MAPKBP1: variants seen among roughly 807,000 people sequenced by gnomAD.
MAPKBP1 encodes the protein mitogen-activated protein kinase-binding protein 1.
MAPKBP1 carries 71 observed loss-of-function variants against 170.5 expected under a neutral mutation model. The observed-to-expected ratio is 0.42, with a 90% CI of 0.34 to 0.51. The LOEUF (loss-of-function observed/expected upper bound fraction) is 0.51. Among genes scored for constraint, MAPKBP1 ranks in the 20% least tolerant of loss-of-function variants. MAPKBP1 has a pLI of 0.06. For missense variants in MAPKBP1, 1,598 were observed against 1,933.0 expected (o/e 0.83, Z 3.25); for synonymous variants, 719 against 757.9 (o/e 0.95, Z 0.84).
At position 41,822,442 on chromosome 15, in the gene MAPKBP1, A is replaced by C; in HGVS notation, c.3229+20A>C. 1 of 1,611,174 alleles carries C rather than the reference A, an allele frequency of 6.2e-7. No homozygotes were observed. Among genetic ancestry groups the C allele is most frequent in the South Asian group, 1.1e-5 (1 of 90,906 alleles). On this transcript the variant is annotated intron_variant, in intron 26 of 30. Transcript: ENST00000457542. The stretch of plus-strand genomic sequence containing the variant: ...CTCCAGGTGTGGTCAGAGGGCCAGC[A>C]TTTAGTGCCTGCAATTTGCCCTTCT...
chr15:41,785,436 A>G (rs916391610), intron 2 of MAPKBP1, among the ~76,000 whole-genome samples: 2 of 152,210 alleles, frequency 1.3e-5, no homozygotes, highest in African/African-American at 4.8e-5. Flanking sequence ...ATGTCAAACC[A>G]GTGAACTCCA....
In MAPKBP1 at chr15:41,823,038, C is replaced by G; in HGVS notation, c.3414C>G (p.Pro1138=). 6.2e-7 allele frequency: 1 copy of G among 1,613,974 alleles called. No individual in the cohort carries two copies. The highest frequency in any genetic ancestry group is 8.5e-7 in the Non-Finnish European group (1 of 1,179,972). Reference sequence around the variant, plus strand: ...AGCCGAGAGGCAATGGTGCCAATCCCCCTGGAGCACCCCCGGAGGTGGAAC... The same window carrying G: ...AGCCGAGAGGCAATGGTGCCAATCCGCCTGGAGCACCCCCGGAGGTGGAAC... ...GEQPRGNGAN[P]PGAPPEVEPS... Residue 1138 remains proline (P), a synonymous_variant, in exon 28 of 31, where the codon CCC becomes CCG. Coordinates refer to ENST00000457542, the MANE Select transcript of MAPKBP1 (RefSeq NM_014994.3).
At chr15:41,774,635 G>T in intron 1 of MAPKBP1, 25 bp downstream of exon 1, 1 of 398,776 alleles carries the variant, frequency 2.5e-6, no homozygotes, top group Non-Finnish European at 4.4e-6. Flanking sequence ...GAACGGGGGC[G>T]CTGACGAGTA....
Position 41,824,072 on chromosome 15 carries a change from C to T in MAPKBP1, c.4213+11C>T, listed in dbSNP as rs1026067659. On this transcript the variant is annotated intron_variant, in intron 29 of 30. Transcript: ENST00000457542. ...TGAGCCAGGACTCAGGTGTGCACAG[C>T]TCCCCAGCTCTCATCTCCTGCCCCA... The T allele has an allele frequency of 6.3e-7, 1 of 1,582,100 alleles. No homozygotes were observed. Among genetic ancestry groups the T allele is most frequent in the Admixed American group, 1.7e-5 (1 of 58,664 alleles).
intron 3 of MAPKBP1, among the ~76,000 whole-genome samples, chr15:41,808,287 A>G (rs538781831): frequency 1.5e-3 from 223 of 149,812 alleles, no homozygotes; most frequent in Non-Finnish European, 2.9e-3. Flanking sequence ...TTGTATTTTT[A>G]GTAGAGATGG....
chr15:41,809,001 G>A (rs1238130107), intron 3 of MAPKBP1, among the ~76,000 whole-genome samples: 1 of 151,624 alleles, frequency 6.6e-6, no homozygotes, highest in East Asian at 1.9e-4. Flanking sequence ...AGGAGGTCGA[G>A]GCTGCAGGGA....
chr15:41,774,940 T>A, intron 1 of MAPKBP1: 1 of 483,076 alleles, frequency 2.1e-6, no homozygotes, highest in Non-Finnish European at 3.6e-6. Flanking sequence ...CCCATCCATC[T>A]CGCCAGTTAA....
At chr15:41,784,973 G>C (rs540651467) in intron 2 of MAPKBP1, among the ~76,000 whole-genome samples, 3 of 151,610 alleles carry the variant, frequency 2.0e-5, no homozygotes, top group African/African-American at 7.3e-5. Context: ...GAGGCATGAC[G>C]TGGGAGAATT....
At chr15:41,807,903 G>T (rs544541586) in intron 3 of MAPKBP1, among the ~76,000 whole-genome samples, 1 of 151,856 alleles carries the variant, frequency 6.6e-6, no homozygotes, top group Non-Finnish European at 1.5e-5. Flanking sequence ...GCCAGGCTTG[G>T]TGATGGGTGC....
rs765637153 is a variant in MAPKBP1, at chr15:41,819,549, G to GC, written c.2426-46_2426-45insC. On this transcript the variant is annotated intron_variant, in intron 21 of 30. Transcript: ENST00000457542. Reference sequence around the variant, plus strand: ...GCCAGGGCTCCAGGGTTGGGTGGCGGGGGGGGGGCAGGAGACACTTCCTCT... The same window carrying GC: ...GCCAGGGCTCCAGGGTTGGGTGGCGGCGGGGGGGGCAGGAGACACTTCCTCT... 52 of 1,448,750 alleles carry GC rather than the reference G, an allele frequency of 3.6e-5. No homozygotes were observed. The Admixed American group carries it at 7.6e-4, about 21-fold the overall frequency. 89.7% of individuals were successfully genotyped at this position (1,448,750 alleles called of 1,614,324 possible).
In MAPKBP1 at chr15:41,816,445, A is replaced by C. The variant is rs76501457; in HGVS notation, c.1494-114A>C. The C allele has an allele frequency of 2.5e-3, 1,688 of 674,710 alleles. 17 individuals carry two copies. In the African/African-American group the frequency reaches 0.028, roughly 11 times the overall value. The allele number at this position is 674,710 out of a possible 1,614,324, so 41.8% of individuals were successfully genotyped here. A position where few individuals can be genotyped will look rare whatever the true frequency, so the allele number is the denominator to read the frequency against. ...TCTGTTCTTTCAGCAACTTTTCTCT[A>C]AGCCTAAAAGTTCAAAAAAAGGAAA... On this transcript the variant is annotated intron_variant, in intron 12 of 30. Transcript: ENST00000457542.
In MAPKBP1 at chr15:41,817,787, G is replaced by A; in HGVS notation, c.1904+52G>A. 6.3e-7 allele frequency: 1 copy of A among 1,597,276 alleles called. No individual in the cohort carries two copies. The highest frequency in any genetic ancestry group is 8.5e-7 in the Non-Finnish European group (1 of 1,171,660). On this transcript the variant is annotated intron_variant, in intron 16 of 30. Coordinates refer to ENST00000457542, the MANE Select transcript of MAPKBP1 (RefSeq NM_014994.3). This position sits in a 1 kb window ranked among gnomAD's most constrained non-coding sequence, Gnocchi z 4.2. ...CCACATTCCTTCATCTCCCTACGGG[G>A]TCAGCTCTGTGCAGCTAAGTTCCCA... is the stretch of plus-strand genomic sequence containing the variant.
chr15:41,815,961 T>C (rs1373587587), intron 12 of MAPKBP1, among the ~76,000 whole-genome samples, 162 bp downstream of exon 12: 1 of 152,232 alleles, frequency 6.6e-6, no homozygotes, highest in Non-Finnish European at 1.5e-5. Flanking sequence ...AGAAATCATC[T>C]TCACCAAGTG....
At position 41,821,415 on chromosome 15, in the gene MAPKBP1, ATGTC is replaced by A. The variant is rs2064993256; in HGVS notation, c.2719-164_2719-161del. 1.1e-5 allele frequency: 7 copies of A among 656,328 alleles called. No individual in the cohort carries two copies. The South Asian group carries it at 1.3e-4, about 12-fold the overall frequency. The allele number at this position is 656,328 out of a possible 1,614,324, so 40.7% of individuals were successfully genotyped here. Reference sequence around the variant, plus strand: ...AACTGGAGCCCAGCCTGGCTTCTCGATGTCTGTCCTTCAGCTTCCCCTTGAATGA... The same window carrying A: ...AACTGGAGCCCAGCCTGGCTTCTCGATGTCCTTCAGCTTCCCCTTGAATGA... On this transcript the variant is annotated intron_variant, in intron 23 of 30. Transcript: ENST00000457542.
chr15:41,784,189 A>G (rs1197659), intron 2 of MAPKBP1, among the ~76,000 whole-genome samples: 21,758 of 152,196 alleles, frequency 0.14, 2,509 homozygotes, highest in East Asian at 0.68. Flanking sequence ...TTCATATAAC[A>G]TAATAACCTG....
In MAPKBP1 at chr15:41,819,600, G is replaced by A. The variant is rs150484161; in HGVS notation, c.2431G>A (p.Val811Ile). ...AKSTKKALAS[V>I]PSPALPRSLS... Reference sequence around the variant, plus strand: ...GACTGCCTGTTTCTGTCTAGCCTCGGTCCCCAGCCCAGCTTTGCCCCGAAG... The same window carrying A: ...GACTGCCTGTTTCTGTCTAGCCTCGATCCCCAGCCCAGCTTTGCCCCGAAG... The change falls in exon 22 of 31, where the codon GTC (valine) becomes ATC (isoleucine). Residue 811 changes from valine (V) to isoleucine (I), a missense_variant. By Grantham distance (29) the Val-to-Ile change is conservative. Transcript: ENST00000457542. The A allele has an allele frequency of 6.2e-6, 10 of 1,608,942 alleles. No homozygotes were observed. The highest frequency in any genetic ancestry group is 1.4e-5 in the African/African-American group (1 of 73,926).
Position 41,823,454 on chromosome 15 carries a change from T to C in MAPKBP1, c.3606T>C (p.His1202=), listed in dbSNP as rs764162441. The change falls in exon 29 of 31, where the codon CAT becomes CAC. Residue 1202 remains histidine, a synonymous_variant. Transcript: ENST00000457542. ...SVHSLVPQER[H]EASLQAPSPG... is the part of the protein sequence containing the mutation. ...CCTCTGTCTCCTTTGCAGAAAGACA[T>C]GAGGCCAGTCTGCAGGCCCCTTCAC... is the stretch of plus-strand genomic sequence containing the variant. The C allele has an allele frequency of 1.2e-6, 2 of 1,610,746 alleles. No individual in the cohort carries two copies. The highest frequency in any genetic ancestry group is 4.5e-5 in the East Asian group (2 of 44,786).
intron 22 of MAPKBP1, among the ~76,000 whole-genome samples, chr15:41,820,150 C>T (rs966502429): frequency 6.6e-6 from 1 of 152,118 alleles, no homozygotes; most frequent in Non-Finnish European, 1.5e-5. Flanking sequence ...CAGCGACTGC[C>T]CTGGGGTGGC....
In MAPKBP1 at chr15:41,818,916, G is replaced by T; in HGVS notation, c.2250G>T (p.Gln750His). 6.2e-7 allele frequency: 1 copy of T among 1,614,212 alleles called. No individual in the cohort carries two copies. Among genetic ancestry groups the T allele is most frequent in the Non-Finnish European group, 8.5e-7 (1 of 1,180,038 alleles). ...ELRQRQRGGK[Q>H]QGPSSPQRAS... ...GCCAGCGTCAGCGGGGCGGCAAGCA[G>T]CAAGGACCATCCTCTCCCCAAAGGG... The change falls in exon 20 of 31, where the codon CAG becomes CAT. Residue 750 changes from glutamine to histidine, a missense_variant. This residue lies in a region of MAPKBP1 where 63 missense variants were observed against 115.2 expected (regional missense o/e 0.55). Coordinates refer to ENST00000457542, the MANE Select transcript of MAPKBP1 (RefSeq NM_014994.3). The surrounding 1 kb of genome is among the most constrained non-coding windows in gnomAD (Gnocchi z 5.2).
Sources: gnomAD v4.1 joint callset for allele counts (sites outside exome capture counted in the v4.1 genomes callset) on GRCh38, gnomAD v4.1.1 for gene constraint, gnomAD v4.1.1 regional missense constraint, Gnocchi (gnomAD v3.1) non-coding constraint, MANE v1.5 for transcripts, NCBI Gene and HGNC (gene_info 2026-07-23, HGNC 2026-07-21) for gene names.